EPAS1: variants seen among roughly 807,000 people sequenced by gnomAD.
EPAS1 encodes the protein endothelial PAS domain-containing protein 1.
EPAS1 carries 23 observed loss-of-function variants against 87.9 expected under a neutral mutation model. That is an observed-to-expected ratio of 0.26 (90% CI 0.19 to 0.37). The LOEUF (loss-of-function observed/expected upper bound fraction) is 0.37, where lower values mean the gene tolerates loss of function less well. EPAS1 is among the 10% of genes least tolerant of loss of function. EPAS1 has a pLI of 1.00. For missense variants in EPAS1, 1,138 were observed against 1,120.7 expected (o/e 1.02, Z -0.22); for synonymous variants, 508 against 444.3 (o/e 1.14, Z -1.80).
chr2:46,351,955 G>A (rs998485742), intron 2 of EPAS1, among the ~76,000 whole-genome samples: 13 of 151,906 alleles, frequency 8.6e-5, no homozygotes, highest in African/African-American at 2.7e-4. Context: ...GCGTTGCTCC[G>A]GAAAAAGTGC....
intron 14 of EPAS1, 35 bp downstream of exon 14, chr2:46,382,124 G>A: frequency 6.3e-7 from 1 of 1,596,532 alleles, no homozygotes; most frequent in Non-Finnish European, 8.6e-7. Context: ...CCTCCTGGGG[G>A]TTCTGGTGGA....
intron 1 of EPAS1, among the ~76,000 whole-genome samples, chr2:46,326,871 G>A (rs112812045): frequency 5.3e-5 from 8 of 152,200 alleles, no homozygotes; most frequent in African/African-American, 1.2e-4. Flanking sequence ...AGAGGGAGGC[G>A]GTAAGCCTGC....
chr2:46,331,152 C>A (rs1162054651), intron 1 of EPAS1, among the ~76,000 whole-genome samples: 2 of 152,226 alleles, frequency 1.3e-5, no homozygotes, highest in African/African-American at 2.4e-5. Context: ...TGCCCCAGGT[C>A]ATAGAGTAAG....
chr2:46,351,024 A>G (rs889634218), intron 2 of EPAS1, among the ~76,000 whole-genome samples: 1 of 152,148 alleles, frequency 6.6e-6, no homozygotes. Context: ...AGGCAGATAT[A>G]TGTTCTGGTA....
intron 8 of EPAS1, 111 bp from the exon 9 acceptor site, chr2:46,376,428 C>A (rs1424078536): frequency 9.7e-7 from 1 of 1,026,272 alleles, no homozygotes. Context: ...TGCCTGGAGT[C>A]CTACCCATTT....
chr2:46,323,275 A>C (rs1458135072), intron 1 of EPAS1, among the ~76,000 whole-genome samples: 2 of 152,134 alleles, frequency 1.3e-5, no homozygotes, highest in East Asian at 3.8e-4. Flanking sequence ...TAGTTATTCT[A>C]CTCTTTGGCA....
At chr2:46,349,481 C>T (rs1032891686) in intron 2 of EPAS1, among the ~76,000 whole-genome samples, 18 of 152,218 alleles carry the variant, frequency 1.2e-4, no homozygotes, top group African/African-American at 4.1e-4. Flanking sequence ...ATCCCATCTC[C>T]GGAGCCTGTT....
chr2:46,307,603 G>C (rs1383050203), intron 1 of EPAS1, among the ~76,000 whole-genome samples: 1 of 152,112 alleles, frequency 6.6e-6, no homozygotes, highest in East Asian at 1.9e-4. Flanking sequence ...CATTTGGTAA[G>C]GGCCTTTGTC....
chr2:46,378,326 A>AT (rs1452098588), intron 10 of EPAS1, among the ~76,000 whole-genome samples: 1 of 152,240 alleles, frequency 6.6e-6, no homozygotes, highest in Non-Finnish European at 1.5e-5. Context: ...CTCAGTCCCC[A>AT]TACAGGGCAG....
chr2:46,360,944 G>C lies in EPAS1; in HGVS notation c.633G>C (p.Leu211=), dbSNP rs1336448806. 1 of 1,614,074 alleles carries C rather than the reference G, an allele frequency of 6.2e-7. No homozygotes were observed. The highest frequency in any genetic ancestry group is 1.3e-5 in the African/African-American group (1 of 74,918). The part of the protein sequence containing the change: ...VYNNCPPHNS[L]CGYKEPLLSC... ...ACAACTGCCCTCCTCACAATAGTCT[G>C]TGTGGCTACAAGGAGCCCCTGCTGT... The change falls in exon 6 of 16, where the codon CTG becomes CTC. Residue 211 remains leucine (L), a synonymous_variant. Transcript: ENST00000263734. This position sits in a 1 kb window ranked among gnomAD's most constrained non-coding sequence, Gnocchi z 4.5.
At chr2:46,339,102 G>A (rs1028679524) in intron 1 of EPAS1, among the ~76,000 whole-genome samples, 2 of 152,208 alleles carry the variant, frequency 1.3e-5, no homozygotes, top group African/African-American at 4.8e-5. Context: ...AAAATGCATT[G>A]TGGTTCAGCC....
At chr2:46,326,273 C>A (rs1683562784) in intron 1 of EPAS1, among the ~76,000 whole-genome samples, 1 of 152,204 alleles carries the variant, frequency 6.6e-6, no homozygotes, top group Non-Finnish European at 1.5e-5. Flanking sequence ...AGCTTCCAAT[C>A]TCAACTGCCT....
At chr2:46,333,238 C>A (rs149054099) in intron 1 of EPAS1, among the ~76,000 whole-genome samples, 137 of 152,274 alleles carry the variant, frequency 9.0e-4, no homozygotes, top group African/African-American at 3.1e-3. Context: ...AATCTTCATG[C>A]CAGCTCACCA....
intron 7 of EPAS1, among the ~76,000 whole-genome samples, chr2:46,374,162 G>A (rs1684683968): frequency 6.6e-6 from 1 of 152,226 alleles, no homozygotes; most frequent in Admixed American, 6.5e-5. Flanking sequence ...AAACATAAGT[G>A]TAAAGGATTA....
intron 1 of EPAS1, among the ~76,000 whole-genome samples, chr2:46,332,274 A>G (rs1368628802): frequency 3.7e-5 from 1 of 26,690 alleles, no homozygotes; most frequent in Non-Finnish European, 6.1e-5. Flanking sequence ...TGTTTCACAG[A>G]AAAAAAAAAA....
In EPAS1 at chr2:46,360,601, T is replaced by C; in HGVS notation, c.455-37T>C. The C allele has an allele frequency of 1.9e-6, 3 of 1,580,986 alleles. No homozygotes were observed. Among genetic ancestry groups the C allele is most frequent in the East Asian group, 4.5e-5 (2 of 44,720 alleles). ...CCTCTCATGAATATCCATATAAAAC[T>C]GACTTCAGCTGGTTCTTCCCATCCT... On this transcript the variant is annotated intron_variant, in intron 4 of 15. Transcript: ENST00000263734. This position sits in a 1 kb window ranked among gnomAD's most constrained non-coding sequence, Gnocchi z 4.5.
At position 46,360,928 on chromosome 2, in the gene EPAS1, C is replaced by G; in HGVS notation, c.617C>G (p.Pro206Arg). Residue 206 changes from proline to arginine, a missense_variant, in exon 6 of 16, where the codon CCT (proline) becomes CGT (arginine). This residue lies in a region of EPAS1 where 351 missense variants were observed against 417.1 expected (regional missense o/e 0.84). Transcript: ENST00000263734. The surrounding 1 kb of genome is among the most constrained non-coding windows in gnomAD (Gnocchi z 4.5). The part of the protein sequence containing the change: ...TGQVKVYNNC[P>R]PHNSLCGYKE... ...CAGGTGAAAGTCTACAACAACTGCC[C>G]TCCTCACAATAGTCTGTGTGGCTAC... 6.2e-7 allele frequency: 1 copy of G among 1,614,224 alleles called. No homozygotes were observed. Among genetic ancestry groups the G allele is most frequent in the Non-Finnish European group, 8.5e-7 (1 of 1,180,038 alleles).
rs1472853443 is a variant in EPAS1, at chr2:46,380,517, A to G, written c.1845A>G (p.Ala615=). ...SSIFFDAGSK[A]SLPPCCGQAS... is the part of the protein sequence containing the mutation. ...TCTTCTTTGATGCCGGAAGCAAAGC[A>G]TCCCTGCCACCGTGCTGTGGCCAGG... The change falls in exon 12 of 16, where the codon GCA becomes GCG. Residue 615 remains alanine (A), a synonymous_variant. Transcript: ENST00000263734. The surrounding 1 kb of genome is among the most constrained non-coding windows in gnomAD (Gnocchi z 4.4). 2 of 1,614,070 alleles carry G rather than the reference A, an allele frequency of 1.2e-6. No individual in the cohort carries two copies. The highest frequency in any genetic ancestry group is 2.7e-5 in the African/African-American group (2 of 74,932).
intron 1 of EPAS1, among the ~76,000 whole-genome samples, chr2:46,317,468 G>T (rs575128604): frequency 6.6e-6 from 1 of 152,296 alleles, no homozygotes; most frequent in African/African-American, 2.4e-5. Flanking sequence ...TAGGTGCATT[G>T]ACAACGAGCA....
Sources: allele counts gnomAD v4.1 joint callset (sites outside exome capture counted in the v4.1 genomes callset), GRCh38; gene constraint gnomAD v4.1.1; regional missense constraint gnomAD v4.1.1; non-coding constraint Gnocchi (gnomAD v3.1); transcripts MANE v1.5; gene names NCBI Gene and HGNC (gene_info 2026-07-23, HGNC 2026-07-21).